Variants in ERICH6B observed in about 807,000 individuals in gnomAD.
ERICH6B encodes glutamate rich 6B, also known as glutamate-rich protein 6B.
In ERICH6B, 69 loss-of-function variants were observed where a neutral mutation model predicts 80.0. That is an observed-to-expected ratio of 0.86 (90% confidence interval 0.71 to 1.05). The LOEUF (loss-of-function observed/expected upper bound fraction) is 1.05. Among genes scored for constraint, ERICH6B ranks in the 50% least tolerant of loss-of-function variants. The probability of loss-of-function intolerance (pLI) is 0.00; values close to 1 mark genes in which losing one functional copy is unlikely to be tolerated. For missense variants in ERICH6B, 754 were observed against 796.1 expected (o/e 0.95, Z 0.64); for synonymous variants, 283 against 291.9 (o/e 0.97, Z 0.31).
chr13:45,571,238 G>T (rs567524550), intron 8 of ERICH6B, among the ~76,000 whole-genome samples: 1 of 152,296 alleles, frequency 6.6e-6, no homozygotes, highest in African/African-American at 2.4e-5. Flanking sequence ...GAGTAGCACT[G>T]CTGTGTCTAG....
intron 11 of ERICH6B, among the ~76,000 whole-genome samples, chr13:45,555,918 A>G (rs1371226212): frequency 6.7e-6 from 1 of 149,628 alleles, no homozygotes; most frequent in Admixed American, 6.7e-5. Context: ...CCACTTGCCT[A>G]TGGGTGTCCG....
At chr13:45,581,831 A>G (rs1875687504) in intron 5 of ERICH6B, among the ~76,000 whole-genome samples, 1 of 152,234 alleles carries the variant, frequency 6.6e-6, no homozygotes, top group African/African-American at 2.4e-5. Flanking sequence ...GACTTTGAAC[A>G]CTTGCCATAT....
At chr13:45,594,274 T>C (rs3014937) in intron 3 of ERICH6B, among the ~76,000 whole-genome samples, 34,318 of 152,192 alleles carry the variant, frequency 0.23, 4,616 homozygotes, top group Admixed American at 0.31. Flanking sequence ...AGCATCTCCC[T>C]AGTGTTTTTT....
chr13:45,593,832 T>C (rs114801809), intron 3 of ERICH6B, among the ~76,000 whole-genome samples: 96 of 152,362 alleles, frequency 6.3e-4, no homozygotes, highest in African/African-American at 2.2e-3. Context: ...CTTCTCAACA[T>C]AGTTTTCCAC....
intron 8 of ERICH6B, among the ~76,000 whole-genome samples, chr13:45,574,253 T>G (rs1455995498): frequency 1.3e-5 from 2 of 152,148 alleles, no homozygotes; most frequent in African/African-American, 2.4e-5. Context: ...CAGCATGAAG[T>G]GTCAGCCCTA....
At chr13:45,559,811 A>G (rs1329109175) in intron 11 of ERICH6B, among the ~76,000 whole-genome samples, 1 of 152,160 alleles carries the variant, frequency 6.6e-6, no homozygotes, top group East Asian at 1.9e-4. Flanking sequence ...TTTGTGGCTT[A>G]TCATATGGTC....
At chr13:45,552,596 G>T (rs1593774900) in intron 11 of ERICH6B, among the ~76,000 whole-genome samples, 1 of 151,214 alleles carries the variant, frequency 6.6e-6, no homozygotes, top group East Asian at 1.9e-4. Flanking sequence ...TTTTTATTTT[G>T]ATTTTTTTTG....
intron 10 of ERICH6B, 54 bp from the exon 11 acceptor site, chr13:45,561,580 G>A: frequency 1.3e-6 from 2 of 1,535,744 alleles, no homozygotes; most frequent in Admixed American, 2.0e-5. Flanking sequence ...GAAAGAGAAA[G>A]GAAACTTAGA....
intron 4 of ERICH6B, among the ~76,000 whole-genome samples, chr13:45,589,808 T>C (rs755113309): frequency 6.6e-6 from 1 of 152,112 alleles, no homozygotes; most frequent in Non-Finnish European, 1.5e-5. Flanking sequence ...ACTCCCTCAT[T>C]TGTGCATCAC....
intron 2 of ERICH6B, among the ~76,000 whole-genome samples, chr13:45,605,159 G>A (rs1949850497): frequency 6.6e-6 from 1 of 152,018 alleles, no homozygotes; most frequent in African/African-American, 2.4e-5. Context: ...CCCACTCAAG[G>A]TGTCCTCCCA....
rs1253117926 is a variant in ERICH6B, at chr13:45,586,965, C to T, written c.856+98G>A. 12 of 1,274,534 alleles carry T rather than the reference C, an allele frequency of 9.4e-6. No homozygotes were observed. The Admixed American group carries it at 1.6e-4, about 17-fold the overall frequency. 79.0% of individuals were successfully genotyped at this position (1,274,534 alleles called of 1,614,324 possible). A position where few individuals can be genotyped will look rare whatever the true frequency, so the allele number is the denominator to read the frequency against. On this transcript the variant is annotated intron_variant, in intron 5 of 14. Transcript: ENST00000298738. ...AGTAGGATATCATTAGCATGAAAGG[C>T]AATACTCGAGCCACAATATTTCACA...
rs1566307741 is a variant in ERICH6B, at chr13:45,606,525, ATATATATATATATATATATATAT to A, written c.-59+1016_-59+1038del. Among the ~76,000 whole-genome samples the A allele has an allele frequency of 3.4e-4, 11 of 32,054 alleles. 1 individual carries two copies. The highest frequency in any genetic ancestry group is 1.6e-3 in the South Asian group (1 of 630). 21.0% of individuals were successfully genotyped at this position (32,054 alleles called of 152,430 possible). A position where few individuals can be genotyped will look rare whatever the true frequency, so the allele number is the denominator to read the frequency against. On this transcript the variant is annotated intron_variant, in intron 2 of 14. Coordinates refer to ENST00000298738, the MANE Select transcript of ERICH6B (RefSeq NM_182542.3). ...TATGTGTATATATATATATATATATATATATATATATATATATATATATTTTTTTTTTTTTTTTTTTTTTTGGA... is the reference window on the plus strand; with the variant it reads ...TATGTGTATATATATATATATATATATTTTTTTTTTTTTTTTTTTTTTGGA...
chr13:45,558,262 C>G (rs1226073382), intron 11 of ERICH6B, among the ~76,000 whole-genome samples: 1 of 152,090 alleles, frequency 6.6e-6, no homozygotes, highest in Non-Finnish European at 1.5e-5. Flanking sequence ...TAGAGGAGAG[C>G]TACTGATTTG....
In ERICH6B at chr13:45,544,311, G is replaced by A. The variant is rs370220625; in HGVS notation, c.1872+449C>T. Among the ~76,000 whole-genome samples the A allele has an allele frequency of 7.2e-5, 11 of 152,322 alleles. 1 individual carries two copies. Among genetic ancestry groups the A allele is most frequent in the African/African-American group, 2.4e-4 (10 of 41,564 alleles). On this transcript the variant is annotated intron_variant, in intron 14 of 14. Coordinates refer to ENST00000298738, the MANE Select transcript of ERICH6B (RefSeq NM_182542.3). ...GCTGGTCTCGAACTCCTGGCGCTAA[G>A]TGATCCACCTGCTTCGGCCCCTCAA...
At chr13:45,561,003 G>T (rs1874649553) in intron 11 of ERICH6B, among the ~76,000 whole-genome samples, 1 of 152,080 alleles carries the variant, frequency 6.6e-6, no homozygotes, top group Non-Finnish European at 1.5e-5. Flanking sequence ...ATAGCACACT[G>T]CAGCCTCGAA....
rs181732314 is a variant in ERICH6B, at chr13:45,541,946, C to T, written c.1873-266G>A. The stretch of plus-strand genomic sequence containing the variant: ...GCCCTAAACCGGAGGGAAAGCAGTT[C>T]TGGTGCCCTGGCGCGGCCTGCCCTC... On this transcript the variant is annotated intron_variant, in intron 14 of 14. Transcript: ENST00000298738. Among the ~76,000 whole-genome samples, 5 of 152,338 alleles carry T rather than the reference C, an allele frequency of 3.3e-5. No individual in the cohort carries two copies. In the East Asian group the frequency reaches 9.6e-4, roughly 29 times the overall value.
chr13:45,569,893 C>A (rs1875079770), intron 8 of ERICH6B, among the ~76,000 whole-genome samples: 2 of 152,304 alleles, frequency 1.3e-5, no homozygotes, highest in South Asian at 4.1e-4. Context: ...CATATTCCTG[C>A]CTCTAAATTC....
chr13:45,606,537 ATATATATATATTTTTTTTTTTTT>A (rs1949865659), intron 2 of ERICH6B, among the ~76,000 whole-genome samples: 2 of 12,900 alleles, frequency 1.6e-4, no homozygotes, highest in Non-Finnish European at 3.7e-4. Context: ...ATATATATAT[ATATATATATATTTTTTTTTTTTT>A]TTTTTTTTTT....
intron 14 of ERICH6B, 148 bp downstream of exon 14, chr13:45,544,611 AG>A: frequency 1.6e-6 from 1 of 636,944 alleles, no homozygotes; most frequent in South Asian, 2.0e-5. Flanking sequence ...CTTAAACATC[AG>A]GTAAACCAAA....
Sources: gnomAD v4.1 joint callset for allele counts (sites outside exome capture counted in the v4.1 genomes callset) on GRCh38, gnomAD v4.1.1 for gene constraint, MANE v1.5 for transcripts, NCBI Gene and HGNC (gene_info 2026-07-23, HGNC 2026-07-21) for gene names.